Variants in TAOK1 observed in about 807,000 individuals in gnomAD.
The protein encoded by TAOK1 is serine/threonine-protein kinase TAO1.
In TAOK1, 21 loss-of-function variants were observed where a neutral mutation model predicts 138.3. The ratio of observed to expected loss-of-function variants is 0.15; its 90% CI spans 0.11 to 0.22. TAOK1 has a LOEUF of 0.22. TAOK1 is among the 10% of genes least tolerant of loss of function. The pLI is 1.00. For missense variants in TAOK1, 651 were observed against 1,227.7 expected (o/e 0.53, Z 7.02); for synonymous variants, 361 against 398.4 (o/e 0.91, Z 1.12).
At chr17:29,419,492 ATT>A (rs34608877) in intron 1 of TAOK1, among the ~76,000 whole-genome samples, 10 of 137,706 alleles carry the variant, frequency 7.3e-5, no homozygotes, top group African/African-American at 2.7e-5. Flanking sequence ...GCCCGGCAGT[ATT>A]TTTTTTTTTT....
intron 2 of TAOK1, among the ~76,000 whole-genome samples, chr17:29,459,487 A>T (rs182648449): frequency 1.3e-5 from 2 of 151,898 alleles, no homozygotes; most frequent in East Asian, 3.9e-4. Context: ...GGATTTCACC[A>T]TGTTGGCCAG....
chr17:29,395,023 C>T (rs2874402), intron 1 of TAOK1, among the ~76,000 whole-genome samples: 94,192 of 151,784 alleles, frequency 0.62, 30,437 homozygotes, highest in East Asian at 0.97. Flanking sequence ...TGGAGGATCA[C>T]TTGAGCCTAG....
intron 13 of TAOK1, 70 bp downstream of exon 13, chr17:29,502,793 T>C: frequency 2.0e-6 from 3 of 1,500,108 alleles, no homozygotes; most frequent in Non-Finnish European, 2.7e-6. Flanking sequence ...AACTCAAGTA[T>C]AGCTATATAT....
intron 1 of TAOK1, among the ~76,000 whole-genome samples, chr17:29,398,985 T>A (rs1904751264): frequency 7.9e-6 from 1 of 126,954 alleles, no homozygotes; most frequent in South Asian, 2.4e-4. Context: ...ATTGAGATAA[T>A]TTTTTTTTTT....
chr17:29,476,964 GC>G (rs1419869813), intron 4 of TAOK1, among the ~76,000 whole-genome samples: 1 of 151,914 alleles, frequency 6.6e-6, no homozygotes, highest in African/African-American at 2.4e-5. Flanking sequence ...TCCTGCCTAA[GC>G]TTCCCGAGTA....
chr17:29,529,781 G>A (rs1359367605), intron 17 of TAOK1, among the ~76,000 whole-genome samples: 1 of 151,974 alleles, frequency 6.6e-6, no homozygotes, highest in Non-Finnish European at 1.5e-5. Flanking sequence ...CAGGAGAATC[G>A]GTTGAACTCA....
chr17:29,450,035 C>G (rs1301182516), intron 1 of TAOK1, among the ~76,000 whole-genome samples: 5 of 151,992 alleles, frequency 3.3e-5, no homozygotes, highest in Non-Finnish European at 4.4e-5. Context: ...CTCCTTCCTT[C>G]CTTTCCCTTT....
chr17:29,448,585 G>A (rs2030153347), intron 1 of TAOK1, among the ~76,000 whole-genome samples: 1 of 152,104 alleles, frequency 6.6e-6, no homozygotes, highest in African/African-American at 2.4e-5. Context: ...GTCTTTGGTA[G>A]AACAAGTATT....
At position 29,390,639 on chromosome 17, in the gene TAOK1, G is replaced by GGCCC. The variant is rs1904385905; in HGVS notation, c.-472_-469dup. 1 of 152,018 alleles carries GGCCC rather than the reference G, an allele frequency of 6.6e-6. No homozygotes were observed. Among genetic ancestry groups the GGCCC allele is most frequent in the Non-Finnish European group, 1.5e-5 (1 of 68,098 alleles). 9.4% of individuals were successfully genotyped at this position (152,018 alleles called of 1,614,324 possible). A position where few individuals can be genotyped will look rare whatever the true frequency, so the allele number is the denominator to read the frequency against. On this transcript the variant is annotated 5_prime_UTR_variant, in exon 1 of 20. Transcript: ENST00000261716. ...TGTTGGTGGCGGAGGGCTGCGCGTGGGCCCGCCCGCCGAGGGGCCGCGGCG... is the reference window on the plus strand; with the variant it reads ...TGTTGGTGGCGGAGGGCTGCGCGTGGGCCCGCCCGCCCGCCGAGGGGCCGCGGCG...
intron 13 of TAOK1, 45 bp from the exon 14 acceptor site, chr17:29,507,851 G>T (rs746291043): frequency 3.2e-6 from 5 of 1,557,750 alleles, no homozygotes; most frequent in African/African-American, 2.7e-5. Context: ...TTTCGAAGAA[G>T]AATGTTTTAT....
At chr17:29,467,091 C>T in intron 2 of TAOK1, 54 bp from the exon 3 acceptor site, 1 of 1,347,004 alleles carries the variant, frequency 7.4e-7, no homozygotes, top group South Asian at 1.4e-5. Flanking sequence ...GAAATAGTTG[C>T]CTAGATTTCA....
At chr17:29,401,631 G>A (rs1348568434) in intron 1 of TAOK1, among the ~76,000 whole-genome samples, 3 of 151,108 alleles carry the variant, frequency 2.0e-5, no homozygotes, top group Non-Finnish European at 2.9e-5. Flanking sequence ...TAGGGACACA[G>A]AGCCAAACCA....
Position 29,418,192 on chromosome 17 carries a change from G to A in TAOK1, c.-95+27168G>A, listed in dbSNP as rs180949268. On this transcript the variant is annotated intron_variant, in intron 1 of 19. Transcript: ENST00000261716. ...ATGAGCCACTGTGCCCAGCTTCTTC[G>A]TTTTGTTTCGAGACAGGATCTTGCT... Among the ~76,000 whole-genome samples, 1,162 of 151,034 alleles carry A rather than the reference G, an allele frequency of 7.7e-3. 9 individuals carry two copies. The highest frequency in any genetic ancestry group is 0.015 in the South Asian group (73 of 4,762).
intron 1 of TAOK1, among the ~76,000 whole-genome samples, chr17:29,413,386 CAGG>C (rs1466666607): frequency 6.6e-6 from 1 of 152,076 alleles, no homozygotes; most frequent in African/African-American, 2.4e-5. Flanking sequence ...TGTTTGAGCT[CAGG>C]AGTTCAGACC....
At chr17:29,457,492 A>G (rs548862269) in intron 2 of TAOK1, among the ~76,000 whole-genome samples, 24 of 133,624 alleles carry the variant, frequency 1.8e-4, no homozygotes, top group African/African-American at 6.3e-4. Context: ...TGCAACCTCC[A>G]CATCCTGGAT....
chr17:29,467,967 C>T (rs2153025756), intron 3 of TAOK1, among the ~76,000 whole-genome samples: 1 of 151,040 alleles, frequency 6.6e-6, no homozygotes, highest in Non-Finnish European at 1.5e-5. Context: ...TCTGGGATTA[C>T]AGTTGTGCGC....
chr17:29,540,451 G>A (rs566672512), intron 19 of TAOK1, among the ~76,000 whole-genome samples: 183 of 152,208 alleles, frequency 1.2e-3, no homozygotes, highest in African/African-American at 4.1e-3. Flanking sequence ...TGCAACCTTC[G>A]CCTCCCAAGT....
intron 13 of TAOK1, 130 bp from the exon 14 acceptor site, chr17:29,507,766 T>G: frequency 1.2e-6 from 1 of 824,744 alleles, no homozygotes; most frequent in Admixed American, 3.0e-5. Context: ...GTTGGAAATT[T>G]CCTTGGAATC....
chr17:29,542,796 G>T lies in TAOK1; in HGVS notation c.2780G>T (p.Gly927Val), dbSNP rs182643506. The T allele has an allele frequency of 1.2e-6, 2 of 1,614,126 alleles. No individual in the cohort carries two copies. Among genetic ancestry groups the T allele is most frequent in the African/African-American group, 2.7e-5 (2 of 75,042 alleles). Residue 927 changes from glycine to valine, a missense_variant, in exon 20 of 20, where the codon GGT becomes GTT. By Grantham distance (109) the Gly-to-Val change is moderately radical. Coordinates refer to ENST00000261716, the MANE Select transcript of TAOK1 (RefSeq NM_020791.4). ...GPGPHWGHPM[G>V]GPPQAWGHPM... ...GGACCTCACTGGGGTCATCCCATGGGTGGCCCACCACAAGCTTGGGGCCAT... is the reference window on the plus strand; with the variant it reads ...GGACCTCACTGGGGTCATCCCATGGTTGGCCCACCACAAGCTTGGGGCCAT...
Sources: gnomAD v4.1 joint callset for allele counts (sites outside exome capture counted in the v4.1 genomes callset) on GRCh38, gnomAD v4.1.1 for gene constraint, MANE v1.5 for transcripts, NCBI Gene and HGNC (gene_info 2026-07-23, HGNC 2026-07-21) for gene names.